Variants in ITPR1 observed in about 807,000 individuals in gnomAD.
ITPR1 encodes inositol 1,4,5-trisphosphate-gated calcium channel ITPR1.
Under a neutral mutation model 318.4 loss-of-function variants are expected in ITPR1, and 96 were observed. That is an observed-to-expected ratio of 0.30 (90% CI 0.26 to 0.36). The LOEUF (loss-of-function observed/expected upper bound fraction) is 0.36, where lower values mean the gene tolerates loss of function less well. Among genes scored for constraint, ITPR1 ranks in the 10% least tolerant of loss-of-function variants. The probability of loss-of-function intolerance (pLI) is 1.00; values close to 1 mark genes in which losing one functional copy is unlikely to be tolerated. For missense variants in ITPR1, 2,440 were observed against 3,460.2 expected, an observed-to-expected ratio of 0.71 and a Z score of 7.40; for synonymous variants, 1,312 against 1,289.9, an observed-to-expected ratio of 1.02 and a Z score of -0.37.
chr3:4,577,458 A>G (rs939863614), intron 4 of ITPR1, among the ~76,000 whole-genome samples: 3 of 152,192 alleles, frequency 2.0e-5, no homozygotes, highest in Non-Finnish European at 2.9e-5. Context: ...CAGGCGAACC[A>G]TGCTGACTAG....
chr3:4,501,681 A>C (rs1469314775), intron 2 of ITPR1, among the ~76,000 whole-genome samples: 1 of 152,214 alleles, frequency 6.6e-6, no homozygotes, highest in Non-Finnish European at 1.5e-5. Context: ...CTAATCACCA[A>C]CCTGAGGTGA....
intron 31 of ITPR1, among the ~76,000 whole-genome samples, chr3:4,690,461 T>TA (rs2094463325): frequency 1.3e-5 from 2 of 152,168 alleles, no homozygotes; most frequent in Admixed American, 1.3e-4. Flanking sequence ...CTGACAATAC[T>TA]AAGTGTTGAC....
chr3:4,636,342 G>A (rs994064652), intron 5 of ITPR1, among the ~76,000 whole-genome samples: 2 of 152,134 alleles, frequency 1.3e-5, no homozygotes, highest in African/African-American at 4.8e-5. Context: ...GAAGGCTCAG[G>A]CATCATTAAA....
At chr3:4,767,195 G>T (rs1382095781) in intron 45 of ITPR1, among the ~76,000 whole-genome samples, 2 of 152,226 alleles carry the variant, frequency 1.3e-5, no homozygotes, top group East Asian at 3.8e-4. Context: ...AGCATGCTGA[G>T]CCTCACGTTT....
chr3:4,567,603 G>GTTT (rs60589063), intron 4 of ITPR1, among the ~76,000 whole-genome samples: 1 of 140,704 alleles, frequency 7.1e-6, no homozygotes, highest in South Asian at 2.6e-4. Flanking sequence ...GCTTGAGCTA[G>GTTT]TTTTTTTTGG....
intron 44 of ITPR1, among the ~76,000 whole-genome samples, chr3:4,745,707 C>T (rs2044054689): frequency 6.6e-6 from 1 of 152,210 alleles, no homozygotes; most frequent in Non-Finnish European, 1.5e-5. Context: ...AAAGATACAG[C>T]TCTCGGTCCC....
chr3:4,499,341 G>T (rs1035893860), intron 2 of ITPR1, among the ~76,000 whole-genome samples: 45 of 152,204 alleles, frequency 3.0e-4, no homozygotes, highest in African/African-American at 1.0e-3. Flanking sequence ...GACTAACACA[G>T]TATCTCTCAT....
rs571326308 is a variant in ITPR1, at chr3:4,786,765, G to A, written c.6616-1182G>A. Among the ~76,000 whole-genome samples, 30 of 152,278 alleles carry A rather than the reference G, an allele frequency of 2.0e-4. 1 individual carries two copies. In the South Asian group the frequency reaches 6.2e-3, roughly 32 times the overall value. ...AACTTGCAAGGTGTCCACCCCTGGGGCCCAAACATACCCAGCATAAAGAAC... is the reference window on the plus strand; with the variant it reads ...AACTTGCAAGGTGTCCACCCCTGGGACCCAAACATACCCAGCATAAAGAAC... On this transcript the variant is annotated intron_variant, in intron 51 of 61. Transcript: ENST00000649015.
intron 60 of ITPR1, among the ~76,000 whole-genome samples, chr3:4,818,593 T>TC (rs1474865353): frequency 6.6e-6 from 1 of 152,124 alleles, no homozygotes; most frequent in Non-Finnish European, 1.5e-5. Context: ...AGTGCTTTTT[T>TC]CCCCTTTCTT....
At chr3:4,706,103 C>T (rs1018268551) in intron 36 of ITPR1, 64 bp from the exon 37 acceptor site, 13 of 1,563,974 alleles carry the variant, frequency 8.3e-6, no homozygotes, top group African/African-American at 2.7e-5. Context: ...TAGGGCATTA[C>T]GTCCATCTGT....
In ITPR1 at chr3:4,779,417, C is replaced by G. The variant is rs921541147; in HGVS notation, c.6292-133C>G. The G allele has an allele frequency of 5.7e-5, 37 of 653,632 alleles. No homozygotes were observed. In the South Asian group the frequency reaches 6.1e-4, roughly 11 times the overall value. The allele number at this position is 653,632 out of a possible 1,614,324, so 40.5% of individuals were successfully genotyped here. A position where few individuals can be genotyped will look rare whatever the true frequency, so the allele number is the denominator to read the frequency against. ...CAGATGGATTTTGATGTCCTTAACC[C>G]AGAGCTTCCTCATGGGGTGAAATGT... On this transcript the variant is annotated intron_variant, in intron 48 of 61. Transcript: ENST00000649015. The surrounding 1 kb of genome is among the most constrained non-coding windows in gnomAD (Gnocchi z 4.0).
At chr3:4,620,721 A>C (rs2092597321) in intron 4 of ITPR1, among the ~76,000 whole-genome samples, 2 of 144,176 alleles carry the variant, frequency 1.4e-5, no homozygotes, top group Admixed American at 1.4e-4. Flanking sequence ...AACAGTAAAG[A>C]GAGTAGAAAG....
chr3:4,800,677 C>G, intron 54 of ITPR1, 77 bp downstream of exon 54: 2 of 1,431,716 alleles, frequency 1.4e-6, no homozygotes, highest in South Asian at 1.2e-5. Context: ...TTTCTAGAAT[C>G]CTGGCCTGTG....
chr3:4,724,115 G>T (rs865892357), intron 40 of ITPR1, among the ~76,000 whole-genome samples: 1 of 152,036 alleles, frequency 6.6e-6, no homozygotes, highest in South Asian at 2.1e-4. Context: ...TCCCCACCCC[G>T]AGCAGGAGGC....
rs2080712671 is a variant in ITPR1 at position 4,497,812 on chromosome 3, C to CT, written c.-17+3307dup. On this transcript the variant is annotated intron_variant, in intron 2 of 61. Transcript: ENST00000649015. ...GCCAAAAGGTAGAAACAACACAAGT[C>CT]TACTGATGAATGAACAGATAAAATG... 4.1e-5 allele frequency among the ~76,000 whole-genome samples: 4 copies of CT among 98,588 alleles called. No individual in the cohort carries two copies. The Admixed American group carries it at 4.8e-4, about 12-fold the overall frequency. The allele number at this position is 98,588 out of a possible 152,430, so 64.7% of individuals were successfully genotyped here.
At chr3:4,691,422 A>T (rs990325875) in intron 32 of ITPR1, 78 bp downstream of exon 32, 21 of 966,076 alleles carry the variant, frequency 2.2e-5, no homozygotes, top group Non-Finnish European at 3.2e-5. Flanking sequence ...TATCTGTATG[A>T]ACTTGCACCC....
chr3:4,732,423 C>T (rs2042990424), intron 42 of ITPR1, among the ~76,000 whole-genome samples: 1 of 152,192 alleles, frequency 6.6e-6, no homozygotes, highest in East Asian at 1.9e-4. Flanking sequence ...CTCGCTGCTT[C>T]CCCTTCTCTC....
intron 44 of ITPR1, among the ~76,000 whole-genome samples, chr3:4,754,307 G>C (rs1435208295): frequency 6.6e-6 from 1 of 152,132 alleles, no homozygotes; most frequent in Non-Finnish European, 1.5e-5. Flanking sequence ...TCACTGCCAG[G>C]TCCTCAGCAC....
chr3:4,637,517 G>A (rs923528388), intron 5 of ITPR1, among the ~76,000 whole-genome samples: 2 of 152,222 alleles, frequency 1.3e-5, no homozygotes, highest in African/African-American at 4.8e-5. Context: ...AGATTGCCAC[G>A]TTGCAAGCAC....
Sources: gnomAD v4.1 joint callset for allele counts (sites outside exome capture counted in the v4.1 genomes callset) on GRCh38, gnomAD v4.1.1 for gene constraint, Gnocchi (gnomAD v3.1) non-coding constraint, MANE v1.5 for transcripts, NCBI Gene and HGNC (gene_info 2026-07-23, HGNC 2026-07-21) for gene names.